The following ABCB11 variants were observed in gnomAD, a reference collection of about 807,000 sequenced individuals.
The protein encoded by ABCB11 is ATP binding cassette subfamily B member 11, also known as bile salt export pump.
A neutral mutation model predicts 148.0 loss-of-function variants in ABCB11; 95 were observed. The observed-to-expected ratio is 0.64, with a 90% CI of 0.54 to 0.76. The LOEUF (loss-of-function observed/expected upper bound fraction) is 0.76, where lower values mean the gene tolerates loss of function less well. Ranked by LOEUF, ABCB11 falls within the 30% of genes least tolerant of loss-of-function variation. The probability of loss-of-function intolerance (pLI) is 0.00; values close to 1 mark genes in which losing one functional copy is unlikely to be tolerated. For synonymous variants in ABCB11, 591 were observed against 555.4 expected (o/e 1.06, Z -0.90); for missense variants, 1,523 against 1,617.8 (o/e 0.94, Z 1.01).
chr2:168,982,104 ACAG>A (rs1282453687), intron 10 of ABCB11, among the ~76,000 whole-genome samples: 4 of 152,176 alleles, frequency 2.6e-5, no homozygotes, highest in East Asian at 3.9e-4. Flanking sequence ...AGCCCTGTGA[ACAG>A]CAGAAGTAGT....
At chr2:169,013,186 A>T (rs959828466) in intron 5 of ABCB11, 86 bp downstream of exon 5, 2 of 995,768 alleles carry the variant, frequency 2.0e-6, no homozygotes, top group African/African-American at 3.2e-5. Context: ...ACTCCAGCTC[A>T]GCCAGTAAAA....
At chr2:168,978,057 A>G (rs1410285044) in intron 11 of ABCB11, among the ~76,000 whole-genome samples, 1 of 151,102 alleles carries the variant, frequency 6.6e-6, no homozygotes, top group Non-Finnish European at 1.5e-5. Context: ...TTTTAGTTTC[A>G]GGGCACTTTT....
At position 169,014,163 on chromosome 2, in the gene ABCB11, C is replaced by T. The variant is rs1317516924; in HGVS notation, c.150+140G>A. On this transcript the variant is annotated intron_variant, in intron 4 of 27. Transcript: ENST00000650372. Reference sequence around the variant, plus strand: ...CTAATAGTTATTCAGCATGTTATCACATAGGCAAAGCCTATGACTGAAAAA... The same window carrying T: ...CTAATAGTTATTCAGCATGTTATCATATAGGCAAAGCCTATGACTGAAAAA... The T allele has an allele frequency of 3.3e-5, 26 of 796,848 alleles. No homozygotes were observed. The Admixed American group carries it at 4.7e-4, about 14-fold the overall frequency. 49.4% of individuals were successfully genotyped at this position (796,848 alleles called of 1,614,324 possible). A position where few individuals can be genotyped will look rare whatever the true frequency, so the allele number is the denominator to read the frequency against.
intron 12 of ABCB11, among the ~76,000 whole-genome samples, chr2:168,975,543 A>G (rs866257038): frequency 3.1e-5 from 1 of 32,778 alleles, no homozygotes; most frequent in African/African-American, 1.2e-4. Flanking sequence ...ATAGATAAAT[A>G]TATAAATACA....
intron 11 of ABCB11, among the ~76,000 whole-genome samples, chr2:168,978,274 T>C (rs1251717370): frequency 2.0e-5 from 3 of 149,930 alleles, no homozygotes; most frequent in Non-Finnish European, 4.4e-5. Context: ...GCCTCCTGAC[T>C]AGCTGGGACT....
intron 19 of ABCB11, among the ~76,000 whole-genome samples, chr2:168,954,106 G>A (rs1175426957): frequency 6.6e-6 from 1 of 151,492 alleles, no homozygotes; most frequent in East Asian, 2.0e-4. Context: ...AATTAACTGG[G>A]ACCTGTCTCA....
intron 17 of ABCB11, 22 bp downstream of exon 17, chr2:168,968,405 C>T (rs1313261786): frequency 1.1e-5 from 18 of 1,605,912 alleles, no homozygotes; most frequent in Non-Finnish European, 1.5e-5. Flanking sequence ...AGCTTGTAAT[C>T]TGCCCCATGG....
At chr2:168,933,912 T>C (rs1282018720) in intron 23 of ABCB11, among the ~76,000 whole-genome samples, 1 of 151,968 alleles carries the variant, frequency 6.6e-6, no homozygotes, top group Non-Finnish European at 1.5e-5. Flanking sequence ...TCACCATACC[T>C]GGCTAATTTT....
intron 17 of ABCB11, 126 bp downstream of exon 17, chr2:168,968,301 G>T: frequency 2.4e-6 from 2 of 822,828 alleles, no homozygotes; most frequent in South Asian, 1.5e-5. Context: ...GTTCATATTT[G>T]ACAAGACCTG....
chr2:169,001,967 A>C (rs1694887733), intron 5 of ABCB11, among the ~76,000 whole-genome samples: 1 of 152,186 alleles, frequency 6.6e-6, no homozygotes, highest in South Asian at 2.1e-4. Flanking sequence ...CAAAAGACAG[A>C]GATTGTCAGA....
chr2:169,012,730 C>A (rs1008742380), intron 5 of ABCB11, among the ~76,000 whole-genome samples: 1 of 144,318 alleles, frequency 6.9e-6, no homozygotes, highest in African/African-American at 2.6e-5. Context: ...AAAAAGGAGA[C>A]TCCATCTTAA....
At chr2:168,977,018 A>C (rs1693936350) in intron 11 of ABCB11, among the ~76,000 whole-genome samples, 1 of 148,768 alleles carries the variant, frequency 6.7e-6, no homozygotes, top group African/African-American at 2.4e-5. Flanking sequence ...TATTAACATA[A>C]TACATATTTA....
chr2:168,952,448 A>G (rs940146273), intron 19 of ABCB11, among the ~76,000 whole-genome samples: 52 of 151,528 alleles, frequency 3.4e-4, no homozygotes, highest in African/African-American at 1.1e-3. Context: ...TTCCTGATTT[A>G]ATCTTGGTAG....
chr2:168,920,774 C>T (rs1691050377), downstream of ABCB11, among the ~76,000 whole-genome samples: 1 of 152,100 alleles, frequency 6.6e-6, no homozygotes, highest in East Asian at 1.9e-4. Context: ...ATCATCGCCC[C>T]CTGGTGTTGT....
chr2:168,941,806 G>A (rs1325477792), intron 21 of ABCB11, among the ~76,000 whole-genome samples: 2 of 151,978 alleles, frequency 1.3e-5, no homozygotes, highest in African/African-American at 2.4e-5. Context: ...AACCACCACC[G>A]TGGTCAGTCA....
intron 18 of ABCB11, among the ~76,000 whole-genome samples, chr2:168,963,722 A>G (rs1235063954): frequency 2.0e-5 from 3 of 151,848 alleles, no homozygotes; most frequent in Non-Finnish European, 4.4e-5. Context: ...ATTGGCCTCC[A>G]TTAATTCAAA....
At chr2:169,019,206 C>T (rs944552813) in intron 1 of ABCB11, among the ~76,000 whole-genome samples, 1 of 151,996 alleles carries the variant, frequency 6.6e-6, no homozygotes, top group Non-Finnish European at 1.5e-5. Context: ...TATATACACA[C>T]ATGTACAAAT....
chr2:169,010,639 C>T (rs190538598), intron 5 of ABCB11, among the ~76,000 whole-genome samples: 43 of 152,250 alleles, frequency 2.8e-4, no homozygotes, highest in South Asian at 2.5e-3. Flanking sequence ...ACAGTTTGGG[C>T]GACTTTGGAG....
rs746419453 is a variant in ABCB11 at position 169,016,806 on chromosome 2, G to GA, written c.77-8dup. Reference sequence around the variant, plus strand: ...GATTTCTTATCATTATTATCTGTCAGAAAAAAAAATCAACGCAAAAAAGCA... The same window carrying GA: ...GATTTCTTATCATTATTATCTGTCAGAAAAAAAAAATCAACGCAAAAAAGCA... On this transcript the variant is annotated splice_region_variant and splice_polypyrimidine_tract_variant and intron_variant, in intron 2 of 27. Coordinates refer to ENST00000650372, the MANE Select transcript of ABCB11 (RefSeq NM_003742.4). 5.5e-4 allele frequency: 860 copies of GA among 1,557,544 alleles called. No individual in the cohort carries two copies. The highest frequency in any genetic ancestry group is 7.3e-4 in the South Asian group (61 of 83,200).
Sources: gnomAD v4.1 joint callset for allele counts (sites outside exome capture counted in the v4.1 genomes callset) on GRCh38, gnomAD v4.1.1 for gene constraint, MANE v1.5 for transcripts, NCBI Gene and HGNC (gene_info 2026-07-23, HGNC 2026-07-21) for gene names.